The following ADGRV1 variants were observed in gnomAD, a reference collection of about 807,000 sequenced individuals.
The protein encoded by ADGRV1 is adhesion G protein-coupled receptor V1, also known as G-protein coupled receptor 98.
ADGRV1 carries 359 observed loss-of-function variants against 596.2 expected under a neutral mutation model. The ratio of observed to expected loss-of-function variants is 0.60; its 90% confidence interval spans 0.55 to 0.66. The LOEUF (loss-of-function observed/expected upper bound fraction) is 0.66. ADGRV1 is among the 30% of genes least tolerant of loss of function. The pLI is 0.00. For missense variants in ADGRV1, 7,274 were observed against 7,575.6 expected, an observed-to-expected ratio of 0.96 and a Z score of 1.48; for synonymous variants, 2,681 against 2,679.2, an observed-to-expected ratio of 1.00 and a Z score of -0.02.
intron 87 of ADGRV1, among the ~76,000 whole-genome samples, chr5:91,147,176 TAAAA>T (rs57619661): frequency 6.9e-5 from 7 of 100,798 alleles, no homozygotes; most frequent in Admixed American, 2.2e-4. Context: ...GACCTTGTCT[TAAAA>T]AAAAAAAAAA....
chr5:90,720,928 C>T lies in ADGRV1; in HGVS notation c.9624-7C>T, dbSNP rs1353605242. The T allele has an allele frequency of 6.2e-7, 1 of 1,600,122 alleles. No homozygotes were observed. The highest frequency in any genetic ancestry group is 8.5e-7 in the Non-Finnish European group (1 of 1,172,832). ...TCTGCTTCCCTCAATCCATGTATTT[C>T]TTTCAGAGCCACCTCCATAGACATC... On this transcript the variant is annotated splice_polypyrimidine_tract_variant and splice_region_variant and intron_variant, in intron 44 of 89. Transcript: ENST00000405460.
intron 50 of ADGRV1, among the ~76,000 whole-genome samples, chr5:90,736,900 T>TA (rs539905927): frequency 1.9e-4 from 29 of 150,818 alleles, no homozygotes; most frequent in East Asian, 9.7e-4. Flanking sequence ...CTTTTTCTTT[T>TA]AAAAAAAAAC....
In ADGRV1 at chr5:90,756,632, T is replaced by A. The variant is rs1755861358; in HGVS notation, c.11757+2T>A. The A allele has an allele frequency of 6.2e-7, 1 of 1,611,312 alleles. No homozygotes were observed. On this transcript the variant is annotated splice_donor_variant, in intron 56 of 89. Coordinates refer to ENST00000405460, the MANE Select transcript of ADGRV1 (RefSeq NM_032119.4). LOFTEE classifies it high-confidence loss of function. ...ATTTTTATGTTTCATGTTACTAGAG[T>A]GAGATGAACTTTCATTTGTTTACAG...
At chr5:90,693,418 T>C (rs1250621314) in intron 32 of ADGRV1, among the ~76,000 whole-genome samples, 1 of 152,200 alleles carries the variant, frequency 6.6e-6, no homozygotes, top group African/African-American at 2.4e-5. Context: ...ATAGTTGCTA[T>C]ACTGGACTGG....
chr5:90,668,643 GTT>G (rs926925427), intron 21 of ADGRV1, among the ~76,000 whole-genome samples: 4 of 151,794 alleles, frequency 2.6e-5, no homozygotes, highest in Non-Finnish European at 4.4e-5. Flanking sequence ...CCCCCTGGTA[GTT>G]TTTTTTAATG....
rs753821867 is a variant in ADGRV1 at position 90,646,090 on chromosome 5, A to G, written c.3021A>G (p.Ala1007=). Residue 1007 remains alanine, a splice_region_variant and synonymous_variant, in exon 16 of 90, where the codon GCA becomes GCG. Transcript: ENST00000405460. Reference sequence around the variant, plus strand: ...GAAATGATGACCCCATTTATTTTGCAGGTGGTATTGCTGTCTTATTTGAAT... The same window carrying G: ...GAAATGATGACCCCATTTATTTTGCGGGTGGTATTGCTGTCTTATTTGAAT... The part of the protein sequence containing the change: ...IRRNDDPIYF[A]EPRVVRVQEG... 9 of 1,558,974 alleles carry G rather than the reference A, an allele frequency of 5.8e-6. No homozygotes were observed. The Admixed American group carries it at 1.7e-4, about 30-fold the overall frequency.
Position 90,694,180 on chromosome 5 carries a change from A to G in ADGRV1, c.7424A>G (p.Asn2475Ser). Residue 2475 changes from asparagine to serine, a missense_variant, in exon 33 of 90, where the codon AAC (asparagine) becomes AGC (serine). Coordinates refer to ENST00000405460, the MANE Select transcript of ADGRV1 (RefSeq NM_032119.4). ...WMTSWISPAV[N>S]NSDFWTYRKN... Reference sequence around the variant, plus strand: ...ACATCATGGATCAGCCCAGCTGTCAACAATTCAGACTTCTGGACCTACAGG... The same window carrying G: ...ACATCATGGATCAGCCCAGCTGTCAGCAATTCAGACTTCTGGACCTACAGG... 1.2e-6 allele frequency: 2 copies of G among 1,613,870 alleles called. No homozygotes were observed. The highest frequency in any genetic ancestry group is 1.7e-4 in the Middle Eastern group (1 of 6,056).
At chr5:90,566,818 C>T (rs1755695042) in intron 1 of ADGRV1, among the ~76,000 whole-genome samples, 2 of 151,518 alleles carry the variant, frequency 1.3e-5, no homozygotes, top group South Asian at 2.1e-4. Context: ...TTTTTCTTGC[C>T]TAATTGTCCT....
chr5:90,786,508 T>C lies in ADGRV1; in HGVS notation c.13654-1563T>C, dbSNP rs1212285216. ...TTTAAAGCAGCTCATTTAAGTCTAG[T>C]GCAAGGAAAATGGATTCAAGAAGCT... On this transcript the variant is annotated intron_variant, in intron 67 of 89. Coordinates refer to ENST00000405460, the MANE Select transcript of ADGRV1 (RefSeq NM_032119.4). Among the ~76,000 whole-genome samples, 3 of 152,158 alleles carry C rather than the reference T, an allele frequency of 2.0e-5. No individual in the cohort carries two copies. The South Asian group carries it at 6.2e-4, about 32-fold the overall frequency.
intron 83 of ADGRV1, among the ~76,000 whole-genome samples, chr5:90,948,431 T>G (rs1309779604): frequency 6.6e-6 from 1 of 152,116 alleles, no homozygotes; most frequent in Non-Finnish European, 1.5e-5. Flanking sequence ...GTTCACCAAC[T>G]AGAATGGCTA....
chr5:91,003,058 G>T (rs1781975276), intron 85 of ADGRV1, among the ~76,000 whole-genome samples: 1 of 152,042 alleles, frequency 6.6e-6, no homozygotes, highest in Non-Finnish European at 1.5e-5. Flanking sequence ...ACCTCCCAGG[G>T]TACCACACTC....
At chr5:90,954,080 G>A (rs1214517169) in intron 83 of ADGRV1, among the ~76,000 whole-genome samples, 3 of 151,480 alleles carry the variant, frequency 2.0e-5, no homozygotes, top group Non-Finnish European at 2.9e-5. Context: ...CTCAGCTAAC[G>A]TGGCTTTTTA....
chr5:91,018,515 T>C (rs558873684), intron 85 of ADGRV1, among the ~76,000 whole-genome samples: 44 of 152,112 alleles, frequency 2.9e-4, no homozygotes, highest in African/African-American at 1.0e-3. Flanking sequence ...TTTGGGTTCT[T>C]AGGTGTGAAA....
At position 90,683,707 on chromosome 5, in the gene ADGRV1, C is replaced by G; in HGVS notation, c.5786C>G (p.Ala1929Gly). 1 of 1,613,882 alleles carries G rather than the reference C, an allele frequency of 6.2e-7. No individual in the cohort carries two copies. The highest frequency in any genetic ancestry group is 8.5e-7 in the Non-Finnish European group (1 of 1,179,864). The change falls in exon 28 of 90, where the codon GCC becomes GGC. Residue 1929 changes from alanine to glycine, a missense_variant. This residue lies in a region of ADGRV1 where 3,643 missense variants were observed against 3,809.2 expected (regional missense o/e 0.96). Transcript: ENST00000405460. ...NITFEIGQTS[A>G]NITVEILPDE... ...ACATTTGAGATTGGGCAGACGAGCGCCAATATCACTGTGGAGATATTGCCT... is the reference window on the plus strand; with the variant it reads ...ACATTTGAGATTGGGCAGACGAGCGGCAATATCACTGTGGAGATATTGCCT...
intron 84 of ADGRV1, among the ~76,000 whole-genome samples, chr5:90,976,318 GTGTGTA>G (rs1389376954): frequency 0.018 from 2,131 of 120,662 alleles, 15 homozygotes; most frequent in Non-Finnish European, 0.019. Context: ...GTGTGTGTGT[GTGTGTA>G]TATATATATA....
At chr5:91,053,741 G>A (rs2151317905) in intron 85 of ADGRV1, among the ~76,000 whole-genome samples, 1 of 152,224 alleles carries the variant, frequency 6.6e-6, no homozygotes, top group Non-Finnish European at 1.5e-5. Context: ...TTGCGCTCCA[G>A]CCAAACTCCA....
chr5:90,573,950 A>G (rs1387983827), intron 1 of ADGRV1, among the ~76,000 whole-genome samples: 1 of 151,800 alleles, frequency 6.6e-6, no homozygotes, highest in African/African-American at 2.4e-5. Flanking sequence ...GTCAAAGATC[A>G]GATGGTTGTA....
At chr5:91,058,839 G>C (rs1787144154) in intron 85 of ADGRV1, among the ~76,000 whole-genome samples, 1 of 152,130 alleles carries the variant, frequency 6.6e-6, no homozygotes, top group South Asian at 2.1e-4. Flanking sequence ...ATAATTGCAT[G>C]ACTGAGTCAC....
At chr5:90,983,995 CA>C (rs1309301911) in intron 84 of ADGRV1, among the ~76,000 whole-genome samples, 1 of 152,156 alleles carries the variant, frequency 6.6e-6, no homozygotes, top group Non-Finnish European at 1.5e-5. Context: ...TTTTGTCTTT[CA>C]CACTGTCTGA....
Sources: allele counts gnomAD v4.1 joint callset (sites outside exome capture counted in the v4.1 genomes callset), GRCh38; gene constraint gnomAD v4.1.1; regional missense constraint gnomAD v4.1.1; transcripts MANE v1.5; gene names NCBI Gene and HGNC (gene_info 2026-07-23, HGNC 2026-07-21).